Variants in ARHGAP32 observed in about 807,000 individuals in gnomAD.
The protein encoded by ARHGAP32 is Rho GTPase activating protein 32.
Under a neutral mutation model 186.5 loss-of-function variants are expected in ARHGAP32, and 51 were observed. That is an observed-to-expected ratio of 0.27 (90% CI 0.22 to 0.35). ARHGAP32 has a LOEUF of 0.35. Ranked by LOEUF, ARHGAP32 falls within the 10% of genes least tolerant of loss-of-function variation. ARHGAP32 has a pLI of 1.00. For missense variants in ARHGAP32, 2,186 were observed against 2,623.5 expected, an observed-to-expected ratio of 0.83 and a Z score of 3.64; for synonymous variants, 950 against 964.3, an observed-to-expected ratio of 0.99 and a Z score of 0.27.
At position 129,123,925 on chromosome 11, in the gene ARHGAP32, T is replaced by C; in HGVS notation, c.322A>G (p.Thr108Ala). 1 of 1,291,560 alleles carries C rather than the reference T, an allele frequency of 7.7e-7. No homozygotes were observed. Among genetic ancestry groups the C allele is most frequent in the Non-Finnish European group, 1.0e-6 (1 of 990,310 alleles). The allele number at this position is 1,291,560 out of a possible 1,614,324, so 80.0% of individuals were successfully genotyped here. The change falls in exon 4 of 23, where the codon ACC (threonine) becomes GCC (alanine). Residue 108 changes from threonine (T) to alanine (A), a missense_variant. Transcript: ENST00000682385. This position sits in a 1 kb window ranked among gnomAD's most constrained non-coding sequence, Gnocchi z 4.6. ...TCACAGCCCATCAGTCCTGGAGTGG[T>C]GGACCTGAACGCAGAATGAACATTT... ...SMKVKHVKKS[T>A]TPGLMGCDNI...
chr11:129,271,570 C>G (rs931493897), intron 1 of ARHGAP32, among the ~76,000 whole-genome samples: 1 of 151,914 alleles, frequency 6.6e-6, no homozygotes, highest in African/African-American at 2.4e-5. Context: ...TTACAAGAGT[C>G]TAGAGCGCAA....
chr11:129,101,045 A>T (rs1941882588), intron 5 of ARHGAP32, among the ~76,000 whole-genome samples: 1 of 152,210 alleles, frequency 6.6e-6, no homozygotes, highest in Admixed American at 6.5e-5. Flanking sequence ...AACACAGTGG[A>T]TTCCTAACCT....
chr11:128,982,374 A>G (rs1215737829), intron 15 of ARHGAP32, among the ~76,000 whole-genome samples: 1 of 152,154 alleles, frequency 6.6e-6, no homozygotes, highest in Non-Finnish European at 1.5e-5. Flanking sequence ...AATTTGCTTT[A>G]CTTAAACAAT....
chr11:129,129,223 C>CCGCCCGGCAGCCG, intron 2 of ARHGAP32, among the ~76,000 whole-genome samples: 3 of 141,576 alleles, frequency 2.1e-5, no homozygotes, highest in African/African-American at 7.8e-5. Context: ...AGGAGCCCCT[C>CCGCCCGGCAGCCG]CACCCGGCAG....
chr11:128,998,241 T>G (rs1591516767), intron 12 of ARHGAP32, 78 bp downstream of exon 12: 2 of 1,206,154 alleles, frequency 1.7e-6, no homozygotes, highest in East Asian at 5.1e-5. Flanking sequence ...TGACTAAATC[T>G]ACTCCATAAT....
chr11:129,243,442 G>A (rs979555544), intron 1 of ARHGAP32, among the ~76,000 whole-genome samples: 1 of 151,996 alleles, frequency 6.6e-6, no homozygotes, highest in African/African-American at 2.4e-5. Context: ...CATAAAACAT[G>A]GCAAAGAACA....
At chr11:129,085,445 C>G (rs1941358391) in intron 6 of ARHGAP32, among the ~76,000 whole-genome samples, 1 of 152,048 alleles carries the variant, frequency 6.6e-6, no homozygotes, top group South Asian at 2.1e-4. Flanking sequence ...CTACAAAACT[C>G]TGGTGAAAGA....
At chr11:129,176,728 T>C (rs1368105547) in intron 1 of ARHGAP32, among the ~76,000 whole-genome samples, 15 of 146,050 alleles carry the variant, frequency 1.0e-4, no homozygotes, top group Admixed American at 2.8e-4. Flanking sequence ...AAGATGTTCT[T>C]TGAAACCAAC....
At chr11:128,988,807 C>T (rs547214403) in intron 12 of ARHGAP32, among the ~76,000 whole-genome samples, 1 of 152,302 alleles carries the variant, frequency 6.6e-6, no homozygotes, top group East Asian at 1.9e-4. Flanking sequence ...TATGAATATA[C>T]ACTGGACAGC....
At chr11:129,276,966 C>T (rs188001597) in intron 1 of ARHGAP32, among the ~76,000 whole-genome samples, 1 of 152,208 alleles carries the variant, frequency 6.6e-6, no homozygotes, top group Non-Finnish European at 1.5e-5. Flanking sequence ...TTGGACTTCA[C>T]AATCATGGGT....
chr11:128,981,618 C>CT, intron 16 of ARHGAP32, 57 bp from the exon 17 acceptor site: 4 of 1,535,778 alleles, frequency 2.6e-6, no homozygotes, highest in Non-Finnish European at 3.5e-6. Flanking sequence ...TCAAGGGCCT[C>CT]TTTTTTTAAA....
chr11:129,071,954 G>A (rs1793741472), intron 6 of ARHGAP32, among the ~76,000 whole-genome samples: 1 of 152,006 alleles, frequency 6.6e-6, no homozygotes, highest in Non-Finnish European at 1.5e-5. Flanking sequence ...AAATAAGCCT[G>A]GCAAAAAAAG....
rs73019196 is a variant in ARHGAP32 at position 129,215,016 on chromosome 11, A to C, written c.-4-50589T>G. 3.4e-3 allele frequency among the ~76,000 whole-genome samples: 514 copies of C among 152,228 alleles called. 4 individuals carry two copies. The highest frequency in any genetic ancestry group is 0.017 in the Middle Eastern group (5 of 294). ...ATGCAGCTGACCCCAGCCGCTTAGG[A>C]ACACTCAAAATGGATATACCTCACA... On this transcript the variant is annotated intron_variant, in intron 1 of 6. Coordinates refer to the ARHGAP32 transcript ENST00000525234.
chr11:129,034,742 AAAG>A (rs1939256089), intron 11 of ARHGAP32, among the ~76,000 whole-genome samples: 1 of 151,094 alleles, frequency 6.6e-6, no homozygotes, highest in African/African-American at 2.4e-5. Flanking sequence ...AAAAAAAAAA[AAAG>A]AGAGAGAGAA....
intron 10 of ARHGAP32, among the ~76,000 whole-genome samples, chr11:129,049,389 G>A (rs1330402605): frequency 6.6e-6 from 1 of 152,042 alleles, no homozygotes; most frequent in Non-Finnish European, 1.5e-5. Context: ...CCTTAACTGA[G>A]GTATAGTTAA....
At chr11:129,262,408 G>A (rs962494727) in intron 1 of ARHGAP32, among the ~76,000 whole-genome samples, 1 of 150,024 alleles carries the variant, frequency 6.7e-6, no homozygotes, top group Non-Finnish European at 1.5e-5. Context: ...TTTTGAGATG[G>A]AGCCCTTGTC....
At chr11:129,261,318 C>T (rs1397278202) in intron 1 of ARHGAP32, among the ~76,000 whole-genome samples, 3 of 152,182 alleles carry the variant, frequency 2.0e-5, no homozygotes, top group Non-Finnish European at 4.4e-5. Flanking sequence ...TTCCAAACCA[C>T]TGGTGCCATT....
intron 21 of ARHGAP32, chr11:128,973,680 A>G (rs1945460614): frequency 7.2e-6 from 4 of 557,740 alleles, no homozygotes; most frequent in East Asian, 3.0e-5. Flanking sequence ...TGGGGGGGAA[A>G]AAAAGCATGT....
chr11:129,153,951 A>T (rs921581872), intron 2 of ARHGAP32, among the ~76,000 whole-genome samples: 2 of 152,162 alleles, frequency 1.3e-5, no homozygotes, highest in Non-Finnish European at 2.9e-5. Context: ...TAGACAACTA[A>T]CAGAATGGGT....
Sources: gnomAD v4.1 joint callset for allele counts (sites outside exome capture counted in the v4.1 genomes callset) on GRCh38, gnomAD v4.1.1 for gene constraint, Gnocchi (gnomAD v3.1) non-coding constraint, MANE v1.5 for transcripts, NCBI Gene and HGNC (gene_info 2026-07-23, HGNC 2026-07-21) for gene names.